CX3CR1: variants seen among roughly 807,000 people sequenced by gnomAD.
CX3CR1 encodes the protein CX3C chemokine receptor 1.
For synonymous variants in CX3CR1, 168 were observed against 178.5 expected (o/e 0.94, Z 0.47); for missense variants, 363 against 432.4 (o/e 0.84, Z 1.42).
chr3:39,266,293 G>C lies in CX3CR1; in HGVS notation c.217C>G (p.Leu73Val). ...KSVTDIYLLN[L>V]ALSDLLFVAT... ...ACAAACAGCAGATCAGACAAGGCCAGGTTCAGGAGGTAAATGTCGGTGACA... is the reference window on the plus strand; with the variant it reads ...ACAAACAGCAGATCAGACAAGGCCACGTTCAGGAGGTAAATGTCGGTGACA... The change falls in exon 2 of 2, where the codon CTG becomes GTG. Residue 73 changes from leucine to valine, a missense_variant. Leu to Val is a conservative substitution (Grantham distance 32, BLOSUM62 1). Transcript: ENST00000399220. The C allele has an allele frequency of 6.2e-7, 1 of 1,614,234 alleles. No individual in the cohort carries two copies. Among genetic ancestry groups the C allele is most frequent in the Non-Finnish European group, 8.5e-7 (1 of 1,180,042 alleles).
intron 1 of CX3CR1, among the ~76,000 whole-genome samples, chr3:39,270,966 G>A (rs1445308014): frequency 6.6e-6 from 1 of 152,226 alleles, no homozygotes; most frequent in African/African-American, 2.4e-5. Flanking sequence ...GATGAATTCA[G>A]AGAGGGTGAA....
At chr3:39,288,118 G>A in the CX3CR1 span, among the ~76,000 whole-genome samples, 3 of 152,112 alleles carry the variant, frequency 2.0e-5, no homozygotes, top group African/African-American at 7.2e-5. Context: ...GTATGTTGAG[G>A]CAGAAGTCCT....
the CX3CR1 span, among the ~76,000 whole-genome samples, chr3:39,289,756 A>C: frequency 6.6e-6 from 1 of 152,176 alleles, no homozygotes; most frequent in African/African-American, 2.4e-5. Context: ...TGAGGTTATA[A>C]GAGTGGGACC....
At chr3:39,283,843 T>TATATA (rs1351970787), upstream of CX3CR1, among the ~76,000 whole-genome samples, 365 of 73,770 alleles carry the variant, frequency 4.9e-3, 2 homozygotes, top group Non-Finnish European at 7.0e-3. Context: ...ATATATATAA[T>TATATA]GTGGTTAATA....
At chr3:39,269,154 G>GA (rs11369041) in intron 1 of CX3CR1, among the ~76,000 whole-genome samples, 82,360 of 150,390 alleles carry the variant, frequency 0.55, 22,478 homozygotes, top group East Asian at 0.72. Context: ...CTGCAATTCT[G>GA]AAAAAAAAAA....
chr3:39,281,761 C>A, upstream of CX3CR1: 1 of 1,189,062 alleles, frequency 8.4e-7, no homozygotes, highest in Non-Finnish European at 1.2e-6. Context: ...GTGCTCTCAC[C>A]ACTTCCACTT....
chr3:39,281,809 C>T, upstream of CX3CR1: 1 of 772,600 alleles, frequency 1.3e-6, no homozygotes, highest in Non-Finnish European at 2.2e-6. Context: ...GCTCTCTTCC[C>T]TTCCCAACTC....
intron 1 of CX3CR1, among the ~76,000 whole-genome samples, chr3:39,277,737 G>A (rs893601107): frequency 6.6e-5 from 10 of 152,186 alleles, no homozygotes; most frequent in African/African-American, 2.2e-4. Flanking sequence ...GGGTGAGGAA[G>A]GGGATAGACG....
the CX3CR1 span, chr3:39,286,979 T>TA: frequency 6.6e-6 from 1 of 152,208 alleles, no homozygotes; most frequent in African/African-American, 2.4e-5. Flanking sequence ...AATGAAAACT[T>TA]AAACAGTATG....
At chr3:39,276,568 T>A (rs781080103) in intron 1 of CX3CR1, among the ~76,000 whole-genome samples, 2 of 152,260 alleles carry the variant, frequency 1.3e-5, no homozygotes, top group African/African-American at 2.4e-5. Context: ...GGCTGTAGAC[T>A]GCTAATTCTC....
chr3:39,281,725 C>A (rs374777325), upstream of CX3CR1: 53 of 1,523,644 alleles, frequency 3.5e-5, 1 homozygote, highest in Non-Finnish European at 1.9e-5. Context: ...CTGGTAAGCA[C>A]GGCCCGCCCC....
upstream of CX3CR1, among the ~76,000 whole-genome samples, chr3:39,280,603 G>A (rs1403992886): frequency 6.6e-6 from 1 of 152,242 alleles, no homozygotes; most frequent in Non-Finnish European, 1.5e-5. Flanking sequence ...CTTGCACCTT[G>A]TAGATGCTCG....
At chr3:39,266,725 C>G (rs754284103) in intron 1 of CX3CR1, 3 of 754,582 alleles carry the variant, frequency 4.0e-6, no homozygotes, top group Non-Finnish European at 7.3e-6. Flanking sequence ...ACAGGAGAGG[C>G]GGACTCCTTT....
chr3:39,275,977 C>G (rs1373282451), intron 1 of CX3CR1, among the ~76,000 whole-genome samples: 1 of 150,464 alleles, frequency 6.6e-6, no homozygotes, highest in African/African-American at 2.4e-5. Flanking sequence ...TGGGGAAAGT[C>G]TTCCAGGTTG....
intron 1 of CX3CR1, among the ~76,000 whole-genome samples, chr3:39,269,686 A>G (rs2040752339): frequency 6.6e-6 from 1 of 152,194 alleles, no homozygotes; most frequent in South Asian, 2.1e-4. Context: ...GGGTCTGCTC[A>G]GTGAGGGCAG....
chr3:39,278,642 T>C, intron 1 of CX3CR1, among the ~76,000 whole-genome samples: 1 of 135,004 alleles, frequency 7.4e-6, no homozygotes, highest in East Asian at 2.3e-4. Flanking sequence ...AAAAATTAAT[T>C]TTTTTTTCTT....
Position 39,266,025 on chromosome 3 carries a change from G to C in CX3CR1, c.485C>G (p.Ala162Gly), listed in dbSNP as rs370799413. ...CTGCTTTGTGAACATGAACTGGGGT[G>C]CTGCCACCAAAATGGCTGCTGCCCA... ...GVWAAAILVA[A>G]PQFMFTKQKE... is the part of the protein sequence containing the mutation. The change falls in exon 2 of 2, where the codon GCA becomes GGA. Residue 162 changes from alanine (A) to glycine (G), a missense_variant. Coordinates refer to ENST00000399220, the MANE Select transcript of CX3CR1 (RefSeq NM_001337.4). 1.2e-6 allele frequency: 2 copies of C among 1,614,206 alleles called. No individual in the cohort carries two copies. Among genetic ancestry groups the C allele is most frequent in the South Asian group, 1.1e-5 (1 of 91,076 alleles).
Position 39,266,288 on chromosome 3 carries a change from G to A in CX3CR1, c.222C>T (p.Ala74=). The change falls in exon 2 of 2, where the codon GCC becomes GCT. Residue 74 remains alanine (A), a synonymous_variant. Transcript: ENST00000399220. ...TGGCTACAAACAGCAGATCAGACAAGGCCAGGTTCAGGAGGTAAATGTCGG... is the reference window on the plus strand; with the variant it reads ...TGGCTACAAACAGCAGATCAGACAAAGCCAGGTTCAGGAGGTAAATGTCGG... The part of the protein sequence containing the change: ...SVTDIYLLNL[A]LSDLLFVATL... The A allele has an allele frequency of 1.9e-6, 3 of 1,614,208 alleles. No homozygotes were observed. The highest frequency in any genetic ancestry group is 2.5e-6 in the Non-Finnish European group (3 of 1,180,044).
chr3:39,280,991 C>T, upstream of CX3CR1: 2 of 714,134 alleles, frequency 2.8e-6, no homozygotes, highest in Non-Finnish European at 3.4e-6. Context: ...CCCTTCAAGG[C>T]CCCTCTGGCC....
Sources: gnomAD v4.1 joint callset for allele counts (sites outside exome capture counted in the v4.1 genomes callset) on GRCh38, gnomAD v4.1.1 for gene constraint, MANE v1.5 for transcripts, NCBI Gene and HGNC (gene_info 2026-07-23, HGNC 2026-07-21) for gene names.